LMBR1: variants seen among roughly 807,000 people sequenced by gnomAD.
LMBR1 encodes limb region 1 protein homolog.
LMBR1 carries 52 observed loss-of-function variants against 73.9 expected under a neutral mutation model. The observed-to-expected ratio is 0.70, with a 90% CI of 0.56 to 0.89. LMBR1 has a LOEUF of 0.89. LMBR1 is among the 40% of genes least tolerant of loss of function. The pLI is 0.00. For synonymous variants in LMBR1, 215 were observed against 209.4 expected (o/e 1.03, Z -0.23); for missense variants, 539 against 579.8 (o/e 0.93, Z 0.72).
At chr7:156,696,588 C>A (rs1305834993) in intron 15 of LMBR1, among the ~76,000 whole-genome samples, 2 of 152,158 alleles carry the variant, frequency 1.3e-5, no homozygotes, top group East Asian at 1.9e-4. Flanking sequence ...GGCAGCAAGA[C>A]AGAATGGAAG....
At chr7:156,697,968 C>T (rs1423556533) in intron 15 of LMBR1, among the ~76,000 whole-genome samples, 2 of 152,216 alleles carry the variant, frequency 1.3e-5, no homozygotes. Flanking sequence ...TCCTCTGCGG[C>T]AGCTCCAGCC....
intron 1 of LMBR1, 42 bp downstream of exon 1, chr7:156,892,886 C>G (rs753467530): frequency 1.4e-6 from 2 of 1,384,138 alleles, no homozygotes; most frequent in Non-Finnish European, 1.9e-6. Flanking sequence ...AGGGCCCGGG[C>G]GGGCACGCGG....
In LMBR1 at chr7:156,815,983, G is replaced by A. The variant is rs186003913; in HGVS notation, c.319+10622C>T. Among the ~76,000 whole-genome samples the A allele has an allele frequency of 2.5e-4, 38 of 150,944 alleles. No homozygotes were observed. In the East Asian group the frequency reaches 4.2e-3, roughly 17 times the overall value. On this transcript the variant is annotated intron_variant, in intron 4 of 16. Coordinates refer to ENST00000353442, the MANE Select transcript of LMBR1 (RefSeq NM_022458.4). ...TTGTTATTGATCCATAAACATACAT[G>A]CTTCCAGAATTTATCTTTCTAATCA...
rs181014808 is a variant in LMBR1 at position 156,844,036 on chromosome 7, C to T, written c.67-7151G>A. On this transcript the variant is annotated intron_variant, in intron 1 of 16. Transcript: ENST00000353442. Reference sequence around the variant, plus strand: ...TATTATTATTGAAATAAAAGTCATACATTAGGGCCAGGCATGGTGGCTCAC... The same window carrying T: ...TATTATTATTGAAATAAAAGTCATATATTAGGGCCAGGCATGGTGGCTCAC... 6.2e-4 allele frequency among the ~76,000 whole-genome samples: 94 copies of T among 152,020 alleles called. 1 individual carries two copies. The highest frequency in any genetic ancestry group is 3.4e-3 in the Middle Eastern group (1 of 294).
chr7:156,798,403 G>A (rs533367408), intron 4 of LMBR1, among the ~76,000 whole-genome samples: 1 of 152,230 alleles, frequency 6.6e-6, no homozygotes, highest in South Asian at 2.1e-4. Context: ...TCTACCAAGT[G>A]TATTGGCTCC....
chr7:156,851,844 T>C (rs1222536973), intron 1 of LMBR1, among the ~76,000 whole-genome samples: 1 of 152,170 alleles, frequency 6.6e-6, no homozygotes, highest in Non-Finnish European at 1.5e-5. Context: ...GTTTTAACAA[T>C]AAGGACTTTT....
At chr7:156,876,438 A>G (rs1354748901) in intron 1 of LMBR1, among the ~76,000 whole-genome samples, 1 of 152,162 alleles carries the variant, frequency 6.6e-6, no homozygotes, top group Non-Finnish European at 1.5e-5. Context: ...CAAAGAAACA[A>G]TGGATTTAAA....
At chr7:156,805,691 T>C (rs141048081) in intron 4 of LMBR1, among the ~76,000 whole-genome samples, 1 of 152,362 alleles carries the variant, frequency 6.6e-6, no homozygotes, top group African/African-American at 2.4e-5. Context: ...TTGACAGGCA[T>C]GGTGTTGAAT....
chr7:156,858,870 G>A (rs2134166392), intron 1 of LMBR1, among the ~76,000 whole-genome samples: 1 of 152,000 alleles, frequency 6.6e-6, no homozygotes, highest in Middle Eastern at 3.4e-3. Context: ...TCATGATCAA[G>A]ATTCTCAGAA....
At chr7:156,711,875 T>C (rs1207773734) in intron 15 of LMBR1, among the ~76,000 whole-genome samples, 1 of 152,208 alleles carries the variant, frequency 6.6e-6, no homozygotes, top group East Asian at 1.9e-4. Context: ...GACTGAAATG[T>C]AAGACCTGAA....
intron 5 of LMBR1, among the ~76,000 whole-genome samples, chr7:156,765,061 G>C (rs1251185650): frequency 6.6e-6 from 1 of 152,188 alleles, no homozygotes; most frequent in Non-Finnish European, 1.5e-5. Context: ...AGATCTCATA[G>C]TAAGTAGCTA....
intron 4 of LMBR1, among the ~76,000 whole-genome samples, chr7:156,809,625 T>C (rs1297855150): frequency 6.6e-6 from 1 of 152,214 alleles, no homozygotes; most frequent in Non-Finnish European, 1.5e-5. Context: ...TTTCCAATAT[T>C]TGTGATCCGT....
At chr7:156,698,439 G>A (rs763360245) in intron 15 of LMBR1, among the ~76,000 whole-genome samples, 5 of 152,194 alleles carry the variant, frequency 3.3e-5, no homozygotes, top group Non-Finnish European at 4.4e-5. Flanking sequence ...GAGGTTCTCC[G>A]TGAGAGCCCT....
intron 1 of LMBR1, among the ~76,000 whole-genome samples, chr7:156,844,615 G>GAA (rs71923215): frequency 1.6e-5 from 2 of 128,400 alleles, no homozygotes; most frequent in Admixed American, 7.7e-5. Flanking sequence ...ACACCTGAAT[G>GAA]AAAAAAAAAA....
intron 4 of LMBR1, among the ~76,000 whole-genome samples, chr7:156,803,445 C>A (rs1288539197): frequency 6.6e-6 from 1 of 152,126 alleles, no homozygotes; most frequent in Non-Finnish European, 1.5e-5. Flanking sequence ...ATCAAAACCA[C>A]AATGAGACAC....
At chr7:156,859,932 G>T (rs1797497703) in intron 1 of LMBR1, among the ~76,000 whole-genome samples, 1 of 152,162 alleles carries the variant, frequency 6.6e-6, no homozygotes, top group Admixed American at 6.5e-5. Context: ...TGATTTTGGT[G>T]AAAGAATAGA....
intron 5 of LMBR1, among the ~76,000 whole-genome samples, chr7:156,769,558 C>A (rs1824789763): frequency 6.6e-6 from 1 of 152,182 alleles, no homozygotes; most frequent in South Asian, 2.1e-4. Context: ...ATTGCCAAAA[C>A]TGTCAGGTCT....
At chr7:156,892,703 G>A (rs1361369333) in intron 1 of LMBR1, 13 of 373,516 alleles carry the variant, frequency 3.5e-5, no homozygotes, top group Admixed American at 1.5e-4. Flanking sequence ...CGGAGCGGGG[G>A]GGCAGGCAGA....
intron 5 of LMBR1, among the ~76,000 whole-genome samples, chr7:156,776,472 C>T (rs1440671990): frequency 1.3e-5 from 2 of 152,146 alleles, no homozygotes; most frequent in African/African-American, 4.8e-5. Flanking sequence ...ACAGTAGCCA[C>T]CCACACATGC....
Sources: allele counts gnomAD v4.1 joint callset (sites outside exome capture counted in the v4.1 genomes callset), GRCh38; gene constraint gnomAD v4.1.1; transcripts MANE v1.5; gene names NCBI Gene and HGNC (gene_info 2026-07-23, HGNC 2026-07-21).